The following PLXNB3 variants were observed in gnomAD, a reference collection of about 807,000 sequenced individuals.
PLXNB3 encodes plexin-B3.
Under a neutral mutation model 125.7 loss-of-function variants are expected in PLXNB3, and 80 were observed. That is an observed-to-expected ratio of 0.64 (90% CI 0.53 to 0.77). The LOEUF (loss-of-function observed/expected upper bound fraction) is 0.77. Ranked by LOEUF, PLXNB3 falls within the 30% of genes least tolerant of loss-of-function variation. The pLI is 0.00. For synonymous variants in PLXNB3, 954 were observed against 783.3 expected (o/e 1.22, Z -3.64); for missense variants, 1,836 against 1,729.3 (o/e 1.06, Z -1.09).
At position 153,769,450 on chromosome X, in the gene PLXNB3, C is replaced by T. The variant is rs183089925; in HGVS notation, c.1496+188C>T. Reference sequence around the variant, plus strand: ...CAATCTGGTTGGCACCCCCCTTTTCCGACACCACCCGGCCTGTGGACTCCT... The same window carrying T: ...CAATCTGGTTGGCACCCCCCTTTTCTGACACCACCCGGCCTGTGGACTCCT... On this transcript the variant is annotated intron_variant, in intron 6 of 35. Transcript: ENST00000361971. Among the ~76,000 whole-genome samples the T allele has an allele frequency of 2.5e-3, 283 of 112,310 alleles. 4 individuals carry two copies. Among genetic ancestry groups the T allele is most frequent in the African/African-American group, 8.8e-3 (272 of 30,943 alleles).
At position 153,779,155 on chromosome X, in the gene PLXNB3, C is replaced by A; in HGVS notation, c.*116C>A. The A allele has an allele frequency of 2.0e-6, 1 of 501,072 alleles. No homozygotes were observed. The highest frequency in any genetic ancestry group is 3.1e-6 in the Non-Finnish European group (1 of 319,712). The allele number at this position is 501,072 out of a possible 1,213,427, so 41.3% of individuals were successfully genotyped here. A position where few individuals can be genotyped will look rare whatever the true frequency, so the allele number is the denominator to read the frequency against. Reference sequence around the variant, plus strand: ...GAGCCTGGGGGCACAGGGTGCAAAGCCAGGCACTGTGCCCAGCAGTGGGCT... The same window carrying A: ...GAGCCTGGGGGCACAGGGTGCAAAGACAGGCACTGTGCCCAGCAGTGGGCT... On this transcript the variant is annotated 3_prime_UTR_variant, in exon 36 of 36. Transcript: ENST00000361971.
At chrX:153,766,669 C>G (rs1300208024) in intron 2 of PLXNB3, 15 of 746,550 alleles carry the variant, frequency 2.0e-5, no homozygotes, top group Non-Finnish European at 2.4e-5. Flanking sequence ...CTCTTGGACA[C>G]TGTCTTTGTC....
At chrX:153,765,351 A>G in intron 1 of PLXNB3, 120 bp from the exon 2 acceptor site, 1 of 516,749 alleles carries the variant, frequency 1.9e-6, no homozygotes, top group Non-Finnish European at 3.2e-6. Context: ...CACTATTGAC[A>G]AAGCTGCCAG....
At chrX:153,775,805 G>T (rs1170109338) in intron 26 of PLXNB3, 82 bp from the exon 27 acceptor site, 2 of 1,108,913 alleles carry the variant, frequency 1.8e-6, no homozygotes, top group Non-Finnish European at 2.4e-6. Context: ...CCCTCTCCGG[G>T]GCTGGAGACG....
In PLXNB3 at chrX:153,771,942, G is replaced by A. The variant is rs782651975; in HGVS notation, c.2596G>A (p.Asp866Asn). ...LGSNLGRAFADVQYAVSVASR... is the reference protein window; with the variant it reads ...LGSNLGRAFANVQYAVSVASR... ...CTCCAACCTGGGCCGGGCCTTCGCCGATGTGCAGTACGCCGTGAGCGTGGC... is the reference window on the plus strand; with the variant it reads ...CTCCAACCTGGGCCGGGCCTTCGCCAATGTGCAGTACGCCGTGAGCGTGGC... Residue 866 changes from aspartate to asparagine, a missense_variant, in exon 15 of 36, where the codon GAT becomes AAT. Asp to Asn is a conservative substitution (Grantham distance 23). Transcript: ENST00000361971. 9.1e-6 allele frequency: 11 copies of A among 1,208,788 alleles called. No individual in the cohort carries two copies. The highest frequency in any genetic ancestry group is 1.2e-5 in the Non-Finnish European group (11 of 895,057).
chrX:153,777,935 C>T lies in PLXNB3; in HGVS notation c.5262-13C>T, dbSNP rs781980475. ...GCCAGGGCCTCACGCCCACGCCTGC[C>T]CTGCGCCCCCAGTCTGCTGCTGCGG... is the stretch of plus-strand genomic sequence containing the variant. On this transcript the variant is annotated splice_polypyrimidine_tract_variant and intron_variant, in intron 31 of 35. Coordinates refer to ENST00000361971, the MANE Select transcript of PLXNB3 (RefSeq NM_005393.3). 7 of 1,201,233 alleles carry T rather than the reference C, an allele frequency of 5.8e-6. No individual in the cohort carries two copies. The highest frequency in any genetic ancestry group is 6.7e-6 in the Non-Finnish European group (6 of 889,476).
Position 153,776,475 on chromosome X carries a change from G to T in PLXNB3, c.4833+16G>T. The stretch of plus-strand genomic sequence containing the variant: ...ACACTACAAGGTGTGAGCAGGGACG[G>T]GGCGAGGCAGGGCGGGGCTGGGGCG... On this transcript the variant is annotated intron_variant, in intron 28 of 35. Coordinates refer to ENST00000361971, the MANE Select transcript of PLXNB3 (RefSeq NM_005393.3). The T allele has an allele frequency of 1.3e-6, 1 of 784,236 alleles. No individual in the cohort carries two copies. The highest frequency in any genetic ancestry group is 1.8e-6 in the Non-Finnish European group (1 of 545,045). The allele number at this position is 784,236 out of a possible 1,213,427, so 64.6% of individuals were successfully genotyped here.
intron 3 of PLXNB3, 71 bp downstream of exon 3, chrX:153,767,984 C>G: frequency 9.7e-7 from 1 of 1,031,362 alleles, no homozygotes; most frequent in Non-Finnish European, 1.3e-6. Flanking sequence ...ACAGGGGTGC[C>G]TGCCCATGGG....
rs782669923 is a variant in PLXNB3, at chrX:153,767,834, C to T, written c.1007C>T (p.Ala336Val). ...CAGGCCCGGAGACTCTGCTACACGG[C>T]GGGCGGCCGGGGCCCCAGCGGCGCA... ...MEQARRLCYT[A>V]GGRGPSGAEE... Residue 336 changes from alanine to valine, a missense_variant, in exon 3 of 36, where the codon GCG becomes GTG. Transcript: ENST00000361971. 1.8e-5 allele frequency: 21 copies of T among 1,144,606 alleles called. No homozygotes were observed. Among genetic ancestry groups the T allele is most frequent in the South Asian group, 4.0e-5 (2 of 49,948 alleles). 94.3% of individuals were successfully genotyped at this position (1,144,606 alleles called of 1,213,427 possible).
chrX:153,774,482 G>C lies in PLXNB3; in HGVS notation c.3741G>C (p.Leu1247=), dbSNP rs782534314. Residue 1247 remains leucine (L), a synonymous_variant, in exon 22 of 36, where the codon CTG becomes CTC. Coordinates refer to ENST00000361971, the MANE Select transcript of PLXNB3 (RefSeq NM_005393.3). ...GPVQYEAEPP[L]SAFPVEAQAG... ...TGCAGTACGAGGCTGAACCCCCGCT[G>C]TCTGCCTTTCCCGTGGAGGCCCAGG... The C allele has an allele frequency of 1.7e-5, 21 of 1,205,782 alleles. No homozygotes were observed. Among genetic ancestry groups the C allele is most frequent in the Non-Finnish European group, 2.2e-6 (2 of 893,099 alleles).
chrX:153,770,148 T>A lies in PLXNB3; in HGVS notation c.1686T>A (p.Cys562Ter). 8.3e-7 allele frequency: 1 copy of A among 1,211,372 alleles called. No homozygotes were observed. Among genetic ancestry groups the A allele is most frequent in the Non-Finnish European group, 1.1e-6 (1 of 895,422 alleles). The change falls in exon 8 of 36, where the codon TGT (cysteine) becomes TGA (stop). Residue 562 changes from cysteine to a stop codon, truncating the protein, a stop_gained. Coordinates refer to ENST00000361971, the MANE Select transcript of PLXNB3 (RefSeq NM_005393.3). LOFTEE classifies it high-confidence loss of function. The part of the protein sequence containing the change: ...PILDADEYFH[C>*]AFGDYDSLAH... The stretch of plus-strand genomic sequence containing the variant: ...TGGATGCAGATGAATACTTCCATTG[T>A]GCGTTCGGGGACTATGACAGCTTGG...
rs1557059795 is a variant in PLXNB3 at position 153,767,619 on chromosome X, C to T, written c.792C>T (p.Ala264=). The T allele has an allele frequency of 8.4e-7, 1 of 1,194,072 alleles. No individual in the cohort carries two copies. Among genetic ancestry groups the T allele is most frequent in the Non-Finnish European group, 1.1e-6 (1 of 887,048 alleles). ...RAQAEYRSYV[A]RVCLGDTNLY... The stretch of plus-strand genomic sequence containing the variant: ...AGGCTGAGTACCGCTCCTACGTGGC[C>T]CGCGTCTGCCTGGGGGACACCAACC... Residue 264 remains alanine, a synonymous_variant, in exon 3 of 36, where the codon GCC becomes GCT. Coordinates refer to ENST00000361971, the MANE Select transcript of PLXNB3 (RefSeq NM_005393.3).
At chrX:153,765,355 C>T in intron 1 of PLXNB3, 116 bp from the exon 2 acceptor site, 1 of 522,533 alleles carries the variant, frequency 1.9e-6, no homozygotes, top group Non-Finnish European at 3.2e-6. Context: ...ATTGACAAAG[C>T]TGCCAGCTGT....
At chrX:153,773,808 A>G (rs1460980376) in intron 19 of PLXNB3, 51 bp from the exon 20 acceptor site, 1 of 1,205,876 alleles carries the variant, frequency 8.3e-7, no homozygotes, top group Admixed American at 2.2e-5. Context: ...CTAGCAGCGC[A>G]CAGCAGAGCC....
chrX:153,770,428 C>G lies in PLXNB3; in HGVS notation c.1877C>G (p.Ala626Gly). 8.3e-7 allele frequency: 1 copy of G among 1,209,294 alleles called. No individual in the cohort carries two copies. The highest frequency in any genetic ancestry group is 1.7e-5 in the African/African-American group (1 of 58,001). Reference sequence around the variant, plus strand: ...TTTTATGACTGCAGTGCCGTCCAGGCCTTGGAGGCGGCTGCCCCGTGAGTC... The same window carrying G: ...TTTTATGACTGCAGTGCCGTCCAGGGCTTGGAGGCGGCTGCCCCGTGAGTC... The part of the protein sequence containing the change: ...FSFYDCSAVQ[A>G]LEAAAPCRAC... Residue 626 changes from alanine to glycine, a missense_variant, in exon 9 of 36, where the codon GCC (alanine) becomes GGC (glycine). Physicochemically the swap from Ala to Gly is moderately conservative, Grantham distance 60. Coordinates refer to ENST00000361971, the MANE Select transcript of PLXNB3 (RefSeq NM_005393.3).
In PLXNB3 at chrX:153,776,072, C is replaced by T. The variant is rs1557064015; in HGVS notation, c.4587C>T (p.Ala1529=). ...MVLVGPGAGG[A]AGSSEMQRVP... ...TGGTGGGGCCCGGGGCTGGCGGGGC[C>T]GCAGGCAGCAGCGAGATGCAGCGCG... The change falls in exon 27 of 36, where the codon GCC becomes GCT. Residue 1529 remains alanine, a synonymous_variant. Coordinates refer to ENST00000361971, the MANE Select transcript of PLXNB3 (RefSeq NM_005393.3). 2 of 1,195,682 alleles carry T rather than the reference C, an allele frequency of 1.7e-6. No homozygotes were observed. The highest frequency in any genetic ancestry group is 2.3e-6 in the Non-Finnish European group (2 of 887,896).
chrX:153,772,319 GGGAGGGTA>G, intron 16 of PLXNB3, 32 bp downstream of exon 16: 2 of 1,056,359 alleles, frequency 1.9e-6, no homozygotes, highest in Non-Finnish European at 2.6e-6. Flanking sequence ...CCCTACGCAG[GGGAGGGTA>G]GGAGGGAGGG....
Position 153,776,114 on chromosome X carries a change from C to A in PLXNB3, c.4629C>A (p.Leu1543=). 1 of 1,203,157 alleles carries A rather than the reference C, an allele frequency of 8.3e-7. No individual in the cohort carries two copies. The highest frequency in any genetic ancestry group is 1.1e-6 in the Non-Finnish European group (1 of 891,817). The change falls in exon 27 of 36, where the codon CTC becomes CTA. Residue 1543 remains leucine (L), a synonymous_variant. Coordinates refer to ENST00000361971, the MANE Select transcript of PLXNB3 (RefSeq NM_005393.3). ...SEMQRVPARV[L]DTDTITQVKE... is the part of the protein sequence containing the mutation. ...TGCAGCGCGTGCCAGCCCGGGTGCT[C>A]GACACGGACACCATCACCCAGGTCA...
rs370437111 is a variant in PLXNB3, at chrX:153,774,327, G to A, written c.3661G>A (p.Gly1221Ser). 152 of 1,159,322 alleles carry A rather than the reference G, an allele frequency of 1.3e-4. No individual in the cohort carries two copies. Among genetic ancestry groups the A allele is most frequent in the African/African-American group, 2.7e-4 (15 of 56,555 alleles). Reference protein sequence around the residue: ...AHAPQPANGSGLPQFVVQMGN... With the variant: ...AHAPQPANGSSLPQFVVQMGN... ...CGCCCCGCAGCCTGCCAATGGCTCC[G>A]GCCTGCCACAGTTCGTGGTGAGTCC... The change falls in exon 21 of 36, where the codon GGC becomes AGC. Residue 1221 changes from glycine to serine, a missense_variant. By Grantham distance (56) the Gly-to-Ser change is moderately conservative. Transcript: ENST00000361971.
Sources: allele counts gnomAD v4.1 joint callset (sites outside exome capture counted in the v4.1 genomes callset), GRCh38; gene constraint gnomAD v4.1.1; transcripts MANE v1.5; gene names NCBI Gene and HGNC (gene_info 2026-07-23, HGNC 2026-07-21).